The following DNAH8 variants were observed in gnomAD, a reference collection of about 807,000 sequenced individuals.
DNAH8 encodes axonemal beta dynein heavy chain 8.
DNAH8 carries 382 observed loss-of-function variants against 562.1 expected under a neutral mutation model. The ratio of observed to expected loss-of-function variants is 0.68; its 90% CI spans 0.63 to 0.74. DNAH8 has a LOEUF of 0.74. Ranked by LOEUF, DNAH8 falls within the 30% of genes least tolerant of loss-of-function variation. The pLI, the probability that DNAH8 is intolerant of heterozygous loss-of-function variation, is 0.00. For missense variants in DNAH8, 5,203 were observed against 5,620.4 expected (o/e 0.93, Z 2.37); for synonymous variants, 1,881 against 1,919.4 (o/e 0.98, Z 0.52).
At position 38,917,826 on chromosome 6, in the gene DNAH8, TC is replaced by T. The variant is rs1237781662; in HGVS notation, c.10309-98del. The T allele has an allele frequency of 5.7e-6, 5 of 877,052 alleles. No individual in the cohort carries two copies. The African/African-American group carries it at 6.8e-5, about 12-fold the overall frequency. The allele number at this position is 877,052 out of a possible 1,614,324, so 54.3% of individuals were successfully genotyped here. A position where few individuals can be genotyped will look rare whatever the true frequency, so the allele number is the denominator to read the frequency against. On this transcript the variant is annotated intron_variant, in intron 69 of 92. Coordinates refer to ENST00000327475, the MANE Select transcript of DNAH8 (RefSeq NM_001206927.2). Reference sequence around the variant, plus strand: ...CAATTTGTGTATTTAGAGCAAATCATCTATTACTTCTTTGAGAAAATTCAAT... The same window carrying T: ...CAATTTGTGTATTTAGAGCAAATCATTATTACTTCTTTGAGAAAATTCAAT...
intron 88 of DNAH8, among the ~76,000 whole-genome samples, chr6:39,003,565 G>GT (rs1319863229): frequency 3.3e-5 from 5 of 152,050 alleles, no homozygotes; most frequent in African/African-American, 1.2e-4. Flanking sequence ...TACCCTTCTA[G>GT]TTTTTTTCTG....
At chr6:38,938,336 A>G in intron 78 of DNAH8, 110 bp downstream of exon 78, 1 of 1,278,532 alleles carries the variant, frequency 7.8e-7, no homozygotes, top group Non-Finnish European at 1.1e-6. Flanking sequence ...ACATGGAATC[A>G]ACCTAAATGC....
chr6:38,752,982 C>T (rs1427596416), intron 9 of DNAH8, among the ~76,000 whole-genome samples: 1 of 152,032 alleles, frequency 6.6e-6, no homozygotes, highest in African/African-American at 2.4e-5. Flanking sequence ...AGGTTTGTTA[C>T]ATGGGTATAT....
At chr6:38,814,026 C>T in intron 24 of DNAH8, 28 bp from the exon 25 acceptor site, 1 of 1,465,712 alleles carries the variant, frequency 6.8e-7, no homozygotes, top group Non-Finnish European at 9.5e-7. Flanking sequence ...GGGTAAGGTT[C>T]ATCAGCTAAA....
At position 38,929,654 on chromosome 6, in the gene DNAH8, C is replaced by T. The variant is rs758493994; in HGVS notation, c.11262C>T (p.Gly3754=). ...TAGAAAAGAATTTTATTAAATCTGG[C>T]ACCACTTTCAAGGTGAGCTTTGTAA... The part of the protein sequence containing the change: ...NVLEKNFIKS[G]TTFKVKVGDK... The change falls in exon 75 of 93, where the codon GGC becomes GGT. Residue 3754 remains glycine, a synonymous_variant. Transcript: ENST00000327475. The T allele has an allele frequency of 1.3e-6, 2 of 1,536,696 alleles. No homozygotes were observed. Among genetic ancestry groups the T allele is most frequent in the South Asian group, 2.5e-5 (2 of 79,368 alleles).
Position 38,899,847 on chromosome 6 carries a change from T to C in DNAH8, c.9135T>C (p.Ser3045=), listed in dbSNP as rs1779959039. 6.2e-7 allele frequency: 1 copy of C among 1,611,880 alleles called. No homozygotes were observed. The highest frequency in any genetic ancestry group is 8.5e-7 in the Non-Finnish European group (1 of 1,179,242). ...GTGTTGGTGGTTCCGGAAAACAAAG[T>C]CTTTCAAGATTGGCCTCTTTTATTG... The part of the protein sequence containing the change: ...LVGVGGSGKQ[S]LSRLASFIAG... The change falls in exon 62 of 93, where the codon AGT becomes AGC. Residue 3045 remains serine (S), a synonymous_variant. Coordinates refer to ENST00000327475, the MANE Select transcript of DNAH8 (RefSeq NM_001206927.2).
At chr6:38,997,186 C>T (rs1378613030) in intron 88 of DNAH8, among the ~76,000 whole-genome samples, 1 of 152,050 alleles carries the variant, frequency 6.6e-6, no homozygotes, top group Non-Finnish European at 1.5e-5. Flanking sequence ...TTTTTTTGGT[C>T]TCTGAGTACC....
chr6:39,011,352 A>G (rs9357296), intron 89 of DNAH8, among the ~76,000 whole-genome samples: 37,077 of 152,020 alleles, frequency 0.24, 5,642 homozygotes, highest in Non-Finnish European at 0.34. Context: ...GCCTCCTGTG[A>G]TCCTTTGGAT....
At chr6:38,865,606 G>A (rs991757689) in intron 45 of DNAH8, among the ~76,000 whole-genome samples, 3 of 152,188 alleles carry the variant, frequency 2.0e-5, no homozygotes, top group Non-Finnish European at 4.4e-5. Context: ...TTGTGTTGCA[G>A]CCAATTGACT....
Position 38,828,303 on chromosome 6 carries a change from A to T in DNAH8, c.4188+15A>T. The T allele has an allele frequency of 6.8e-7, 1 of 1,461,492 alleles. No homozygotes were observed. The highest frequency in any genetic ancestry group is 1.3e-5 in the South Asian group (1 of 76,854). The allele number at this position is 1,461,492 out of a possible 1,614,324, so 90.5% of individuals were successfully genotyped here. A position where few individuals can be genotyped will look rare whatever the true frequency, so the allele number is the denominator to read the frequency against. ...AGAGCAAAGCTGTAAGTATGAATTTAACTACATTATTTTTTCTTAAGTCAC... is the reference window on the plus strand; with the variant it reads ...AGAGCAAAGCTGTAAGTATGAATTTTACTACATTATTTTTTCTTAAGTCAC... On this transcript the variant is annotated intron_variant, in intron 30 of 92. Transcript: ENST00000327475.
At position 38,737,151 on chromosome 6, in the gene DNAH8, G is replaced by C; in HGVS notation, c.847G>C (p.Val283Leu). The change falls in exon 6 of 93, where the codon GTT (valine) becomes CTT (leucine). Residue 283 changes from valine (V) to leucine (L), a missense_variant. Around this residue, in one of 6 missense-constraint regions of DNAH8, gnomAD observed 556 missense variants for 496.9 expected, o/e 1.12. Coordinates refer to ENST00000327475, the MANE Select transcript of DNAH8 (RefSeq NM_001206927.2). ...DMLANIFLPAVLATNNWGALN... is the reference protein window; with the variant it reads ...DMLANIFLPALLATNNWGALN... ...GTTGGCAAATATATTTCTACCAGCT[G>C]TTCTTGCAACAAACAACTGGGGTGC... 6.3e-7 allele frequency: 1 copy of C among 1,584,170 alleles called. No homozygotes were observed. The highest frequency in any genetic ancestry group is 8.6e-7 in the Non-Finnish European group (1 of 1,167,382).
chr6:38,802,904 C>A (rs1190342827), intron 21 of DNAH8, among the ~76,000 whole-genome samples: 1 of 152,204 alleles, frequency 6.6e-6, no homozygotes, highest in Non-Finnish European at 1.5e-5. Flanking sequence ...TTCTTTTCAC[C>A]TATGTGAATA....
Position 38,891,897 on chromosome 6 carries a change from T to G in DNAH8, c.8583+1136T>G, listed in dbSNP as rs138657907. On this transcript the variant is annotated intron_variant, in intron 58 of 92. Coordinates refer to ENST00000327475, the MANE Select transcript of DNAH8 (RefSeq NM_001206927.2). ...CTCTTTAATCCATTCTGCACAAGCTTTCATTCCCACTGTTCATGTCAAGGC... is the reference window on the plus strand; with the variant it reads ...CTCTTTAATCCATTCTGCACAAGCTGTCATTCCCACTGTTCATGTCAAGGC... Among the ~76,000 whole-genome samples, 338 of 152,320 alleles carry G rather than the reference T, an allele frequency of 2.2e-3. 1 individual carries two copies. The highest frequency in any genetic ancestry group is 7.5e-3 in the African/African-American group (310 of 41,568).
chr6:38,848,781 A>G lies in DNAH8; in HGVS notation c.5179A>G (p.Ile1727Val). The part of the protein sequence containing the change: ...YLEAVFVGGD[I>V]AKQLPQEAKR... ...TGAAGCCGTCTTTGTAGGTGGAGAT[A>G]TTGCCAAACAGCTGCCTCAGGTAAA... Residue 1727 changes from isoleucine (I) to valine (V), a missense_variant, in exon 37 of 93, where the codon ATT becomes GTT. Physicochemically the swap from Ile to Val is conservative, Grantham distance 29. Transcript: ENST00000327475. 6.2e-7 allele frequency: 1 copy of G among 1,613,396 alleles called. No homozygotes were observed. Among genetic ancestry groups the G allele is most frequent in the Non-Finnish European group, 8.5e-7 (1 of 1,179,548 alleles).
At chr6:38,933,993 G>A (rs904236022) in intron 76 of DNAH8, among the ~76,000 whole-genome samples, 8 of 152,304 alleles carry the variant, frequency 5.3e-5, no homozygotes, top group African/African-American at 1.9e-4. Flanking sequence ...GAAAGCTTAT[G>A]TATCTGTTTT....
Position 38,938,833 on chromosome 6 carries a change from CA to C in DNAH8, c.11855del (p.Asn3952IlefsTer6), listed in dbSNP as rs750995553. On this transcript the variant is annotated frameshift_variant, in exon 79 of 93. Coordinates refer to ENST00000327475, the MANE Select transcript of DNAH8 (RefSeq NM_001206927.2). LOFTEE classifies it high-confidence loss of function. ...TCACCACTACCTCAAAAGAGAATTA[CA>C]AATATTATCGAGTACCTGACATATG... ...EKSPLPQKRI[T>X]NIIEYLTYEV... 12 of 1,611,520 alleles carry C rather than the reference CA, an allele frequency of 7.4e-6. No homozygotes were observed. Among genetic ancestry groups the C allele is most frequent in the Non-Finnish European group, 1.0e-5 (12 of 1,178,862 alleles).
intron 22 of DNAH8, among the ~76,000 whole-genome samples, chr6:38,804,849 C>T (rs1203472243): frequency 7.2e-6 from 1 of 139,198 alleles, no homozygotes; most frequent in Non-Finnish European, 1.5e-5. Context: ...ATTTTGCCCC[C>T]AAGGGAATAT....
chr6:38,848,097 G>A (rs191877782), intron 36 of DNAH8, among the ~76,000 whole-genome samples: 29 of 152,264 alleles, frequency 1.9e-4, no homozygotes, highest in African/African-American at 6.5e-4. Flanking sequence ...AGGTGAACCT[G>A]GTGATACCTA....
intron 26 of DNAH8, among the ~76,000 whole-genome samples, chr6:38,816,380 T>A (rs1408817122): frequency 6.6e-6 from 1 of 152,224 alleles, no homozygotes; most frequent in African/African-American, 2.4e-5. Flanking sequence ...GATAATGGCT[T>A]CCGGCTCCAT....
Sources: gnomAD v4.1 joint callset for allele counts (sites outside exome capture counted in the v4.1 genomes callset) on GRCh38, gnomAD v4.1.1 for gene constraint, gnomAD v4.1.1 regional missense constraint, MANE v1.5 for transcripts, NCBI Gene and HGNC (gene_info 2026-07-23, HGNC 2026-07-21) for gene names.